Variants in MYOF observed in about 807,000 individuals in gnomAD.
The protein encoded by MYOF is myoferlin.
Under a neutral mutation model 284.2 loss-of-function variants are expected in MYOF, and 244 were observed. The observed-to-expected ratio is 0.86, with a 90% CI of 0.77 to 0.95. The LOEUF is 0.95. MYOF is among the 40% of genes least tolerant of loss of function. MYOF has a pLI of 0.00. For synonymous variants in MYOF, 904 were observed against 919.7 expected (o/e 0.98, Z 0.31); for missense variants, 2,496 against 2,560.6 (o/e 0.97, Z 0.54).
At chr10:93,396,064 C>T in intron 16 of MYOF, 78 bp downstream of exon 16, 1 of 1,111,902 alleles carries the variant, frequency 9.0e-7, no homozygotes, top group South Asian at 1.4e-5. Flanking sequence ...TGTGAGGTGG[C>T]TACCCCAGTT....
At chr10:93,390,740 G>A (rs1300337433) in intron 17 of MYOF, among the ~76,000 whole-genome samples, 2 of 151,806 alleles carry the variant, frequency 1.3e-5, no homozygotes, top group Admixed American at 1.3e-4. Context: ...GGTGCGAATA[G>A]AGAATTAAAG....
chr10:93,428,287 C>T (rs958876228), intron 4 of MYOF, among the ~76,000 whole-genome samples: 26 of 151,386 alleles, frequency 1.7e-4, no homozygotes, highest in Non-Finnish European at 2.9e-4. Flanking sequence ...GCCTCCGCCT[C>T]ACACCCGGGT....
intron 3 of MYOF, among the ~76,000 whole-genome samples, chr10:93,451,156 A>G (rs1359484896): frequency 2.7e-4 from 41 of 152,146 alleles, no homozygotes; most frequent in Admixed American, 2.7e-3. Context: ...CCTAGCCAAC[A>G]TGGTGAAACC....
rs1324288990 is a variant in MYOF, at chr10:93,453,905, G to A, written c.145-1764C>T. ...GTCTCAAAAAAGAAAAAAAAGAGCC[G>A]GGCGCAGTGGCTCATGCCTGTAATC... On this transcript the variant is annotated intron_variant, in intron 2 of 53. Transcript: ENST00000359263. Among the ~76,000 whole-genome samples, 3 of 152,050 alleles carry A rather than the reference G, an allele frequency of 2.0e-5. 1 individual carries two copies. In the Middle Eastern group the frequency reaches 0.01, roughly 517 times the overall value.
At chr10:93,362,898 T>C (rs1845141848) in intron 27 of MYOF, among the ~76,000 whole-genome samples, 1 of 152,238 alleles carries the variant, frequency 6.6e-6, no homozygotes, top group Non-Finnish European at 1.5e-5. Flanking sequence ...CAAAATTTTA[T>C]ATGCATTTAA....
At chr10:93,426,228 T>G in intron 4 of MYOF, 70 bp from the exon 5 acceptor site, 1 of 1,474,520 alleles carries the variant, frequency 6.8e-7, no homozygotes, top group Admixed American at 2.0e-5. Flanking sequence ...TCAATGCAAG[T>G]GACTTCAGCA....
At chr10:93,473,587 C>A (rs898964665) in intron 1 of MYOF, among the ~76,000 whole-genome samples, 2 of 152,220 alleles carry the variant, frequency 1.3e-5, no homozygotes, top group African/African-American at 4.8e-5. Flanking sequence ...CAGGAGGCTG[C>A]ACAGTCCCTG....
Position 93,323,140 on chromosome 10 carries a change from C to T in MYOF, c.5394G>A (p.Lys1798=). ...YYLRVIIWNT[K]DVILDEKSIT... Reference sequence around the variant, plus strand: ...TGCTTTTCTCGTCCAAGATAACGTCCTTGGTGTTCCAGATGATCACACGCA... The same window carrying T: ...TGCTTTTCTCGTCCAAGATAACGTCTTTGGTGTTCCAGATGATCACACGCA... The change falls in exon 48 of 54, where the codon AAG becomes AAA. Residue 1798 remains lysine, a synonymous_variant. Coordinates refer to ENST00000359263, the MANE Select transcript of MYOF (RefSeq NM_013451.4). The T allele has an allele frequency of 1.2e-6, 2 of 1,614,130 alleles. No homozygotes were observed. Among genetic ancestry groups the T allele is most frequent in the African/African-American group, 1.3e-5 (1 of 75,056 alleles).
Position 93,316,783 on chromosome 10 carries a change from A to G in MYOF, c.5629T>C (p.Phe1877Leu). 1 of 1,613,912 alleles carries G rather than the reference A, an allele frequency of 6.2e-7. No individual in the cohort carries two copies. Among genetic ancestry groups the G allele is most frequent in the Non-Finnish European group, 8.5e-7 (1 of 1,179,902 alleles). ...ATGATCAGCCTGGGTGGGATTCGAA[A>G]TTCCGTTTGGTCAATACTCCAGAAA... is the stretch of plus-strand genomic sequence containing the variant. ...EHFWSIDQTE[F>L]RIPPRLIIQI... The change falls in exon 50 of 54, where the codon TTT becomes CTT. Residue 1877 changes from phenylalanine to leucine, a missense_variant. This residue lies in a region of MYOF where 2,436 missense variants were observed against 2,480.7 expected (regional missense o/e 0.98). Coordinates refer to ENST00000359263, the MANE Select transcript of MYOF (RefSeq NM_013451.4).
chr10:93,427,468 T>C (rs1338887776), intron 4 of MYOF, among the ~76,000 whole-genome samples: 6 of 143,386 alleles, frequency 4.2e-5, no homozygotes, highest in African/African-American at 2.6e-5. Flanking sequence ...GAGGCGGAGG[T>C]TGCAGTGAGC....
At position 93,386,840 on chromosome 10, in the gene MYOF, C is replaced by T. The variant is rs12219863; in HGVS notation, c.1698+957G>A. 9.0e-4 allele frequency among the ~76,000 whole-genome samples: 137 copies of T among 152,278 alleles called. 2 individuals carry two copies. In the East Asian group the frequency reaches 0.02, roughly 22 times the overall value. ...GCAGATGTAACAGGCAGACATCAGA[C>T]GACTAGAGGGAGAAGGCCCTGGCTC... On this transcript the variant is annotated intron_variant, in intron 19 of 53. Transcript: ENST00000359263.
At chr10:93,412,852 G>A (rs1847957287) in intron 5 of MYOF, among the ~76,000 whole-genome samples, 1 of 152,180 alleles carries the variant, frequency 6.6e-6, no homozygotes, top group South Asian at 2.1e-4. Context: ...GGCTGAAGGG[G>A]TGCTCCTCCC....
At chr10:93,446,756 C>T (rs1213587141) in intron 3 of MYOF, among the ~76,000 whole-genome samples, 2 of 151,388 alleles carry the variant, frequency 1.3e-5, no homozygotes, top group East Asian at 1.9e-4. Flanking sequence ...TTTCTCACTC[C>T]GTCACCAGGG....
intron 3 of MYOF, among the ~76,000 whole-genome samples, chr10:93,446,532 G>C (rs1350489525): frequency 2.6e-5 from 4 of 152,060 alleles, no homozygotes; most frequent in African/African-American, 9.7e-5. Flanking sequence ...CAGAGGGCAG[G>C]CCTCAGCGGG....
intron 20 of MYOF, 37 bp downstream of exon 20, chr10:93,381,182 G>C (rs372871896): frequency 1.7e-4 from 272 of 1,608,590 alleles, no homozygotes; most frequent in Non-Finnish European, 2.1e-4. Flanking sequence ...TGCACCCATT[G>C]TAAACGTGTG....
At chr10:93,394,075 G>C (rs892009437) in intron 16 of MYOF, among the ~76,000 whole-genome samples, 1 of 152,054 alleles carries the variant, frequency 6.6e-6, no homozygotes, top group African/African-American at 2.4e-5. Context: ...TTAAAATAAT[G>C]CCACATATAG....
chr10:93,309,234 C>T lies in MYOF; in HGVS notation c.6147+786G>A, dbSNP rs138473453. ...CAGCTCACCTCCCTTAGTCATGTGTCCTTGTTCCCGTGGCTGCCTGTTCCC... is the reference window on the plus strand; with the variant it reads ...CAGCTCACCTCCCTTAGTCATGTGTTCTTGTTCCCGTGGCTGCCTGTTCCC... On this transcript the variant is annotated intron_variant, in intron 53 of 53. Coordinates refer to ENST00000359263, the MANE Select transcript of MYOF (RefSeq NM_013451.4). Among the ~76,000 whole-genome samples, 53 of 152,334 alleles carry T rather than the reference C, an allele frequency of 3.5e-4. 1 individual carries two copies. The East Asian group carries it at 9.6e-3, about 28-fold the overall frequency.
chr10:93,335,846 T>G (rs1290706907), intron 41 of MYOF, 75 bp downstream of exon 41: 1 of 1,538,636 alleles, frequency 6.5e-7, no homozygotes, highest in Non-Finnish European at 8.7e-7. Context: ...CCCTAGAGCC[T>G]GGTTGTCCTT....
At position 93,306,890 on chromosome 10, in the gene MYOF, C is replaced by T. The variant is rs1842123843; in HGVS notation, c.*73G>A. 1 of 1,480,436 alleles carries T rather than the reference C, an allele frequency of 6.8e-7. No individual in the cohort carries two copies. Among genetic ancestry groups the T allele is most frequent in the Admixed American group, 1.7e-5 (1 of 57,650 alleles). 91.7% of individuals were successfully genotyped at this position (1,480,436 alleles called of 1,614,324 possible). A position where few individuals can be genotyped will look rare whatever the true frequency, so the allele number is the denominator to read the frequency against. On this transcript the variant is annotated 3_prime_UTR_variant, in exon 54 of 54. Coordinates refer to ENST00000359263, the MANE Select transcript of MYOF (RefSeq NM_013451.4). Reference sequence around the variant, plus strand: ...GGGTGTGGTCTCAGACACAAAATCACACTGGATGTTGGTCTACAGAGGCAG... The same window carrying T: ...GGGTGTGGTCTCAGACACAAAATCATACTGGATGTTGGTCTACAGAGGCAG...
Sources: allele counts gnomAD v4.1 joint callset (sites outside exome capture counted in the v4.1 genomes callset), GRCh38; gene constraint gnomAD v4.1.1; regional missense constraint gnomAD v4.1.1; transcripts MANE v1.5; gene names NCBI Gene and HGNC (gene_info 2026-07-23, HGNC 2026-07-21).